The following SPOCK3 variants were observed in gnomAD, a reference collection of about 807,000 sequenced individuals.
The protein encoded by SPOCK3 is SPARC (osteonectin), cwcv and kazal like domains proteoglycan 3.
SPOCK3 carries 30 observed loss-of-function variants against 56.6 expected under a neutral mutation model. The observed-to-expected ratio is 0.53, with a 90% CI of 0.40 to 0.72. The LOEUF is 0.72. Ranked by LOEUF, SPOCK3 falls within the 30% of genes least tolerant of loss-of-function variation. The pLI, the probability that SPOCK3 is intolerant of heterozygous loss-of-function variation, is 0.00. For synonymous variants in SPOCK3, 196 were observed against 183.3 expected (o/e 1.07, Z -0.56); for missense variants, 527 against 530.0 (o/e 0.99, Z 0.06).
chr4:167,184,922 A>G (rs892642501), intron 2 of SPOCK3, among the ~76,000 whole-genome samples: 4 of 152,174 alleles, frequency 2.6e-5, no homozygotes, highest in Admixed American at 1.3e-4. Flanking sequence ...TGTTGTTAAG[A>G]ACAGAGATGT....
chr4:167,040,864 T>G (rs1753178830), intron 3 of SPOCK3, among the ~76,000 whole-genome samples: 2 of 152,284 alleles, frequency 1.3e-5, no homozygotes, highest in African/African-American at 2.4e-5. Flanking sequence ...TTTCTCATTT[T>G]AAAAATCAGA....
intron 3 of SPOCK3, among the ~76,000 whole-genome samples, chr4:167,061,785 A>G (rs2150245803): frequency 6.6e-6 from 1 of 152,090 alleles, no homozygotes. Context: ...TCTACTTTGC[A>G]GAGACTACAG....
intron 4 of SPOCK3, among the ~76,000 whole-genome samples, chr4:166,958,416 C>G (rs1221490505): frequency 6.6e-6 from 1 of 152,114 alleles, no homozygotes; most frequent in Non-Finnish European, 1.5e-5. Context: ...TTCTTTGTAG[C>G]AACGTGAGAA....
intron 6 of SPOCK3, among the ~76,000 whole-genome samples, chr4:166,803,206 T>A (rs1742803219): frequency 6.6e-6 from 1 of 152,166 alleles, no homozygotes; most frequent in Admixed American, 6.5e-5. Flanking sequence ...TTGCTATAAA[T>A]CACGCAGTTT....
At chr4:166,826,043 T>A (rs1055936640) in intron 6 of SPOCK3, among the ~76,000 whole-genome samples, 2 of 152,030 alleles carry the variant, frequency 1.3e-5, no homozygotes, top group African/African-American at 2.4e-5. Flanking sequence ...ACTATTAAAT[T>A]TTTTAAGAAA....
intron 2 of SPOCK3, among the ~76,000 whole-genome samples, chr4:167,222,627 CATAG>C (rs957663553): frequency 3.0e-5 from 4 of 134,748 alleles, no homozygotes; most frequent in Middle Eastern, 4.7e-3. Context: ...TATATATAAA[CATAG>C]ATATATATTA....
intron 9 of SPOCK3, 49 bp from the exon 10 acceptor site, chr4:166,737,653 A>C: frequency 6.4e-7 from 1 of 1,563,296 alleles, no homozygotes; most frequent in Non-Finnish European, 8.7e-7. Flanking sequence ...TAGTTTATGA[A>C]TAAGCTGTGC....
intron 6 of SPOCK3, among the ~76,000 whole-genome samples, chr4:166,797,233 CTTTTTTTTTTT>C (rs1028695610): frequency 3.7e-5 from 3 of 80,752 alleles, no homozygotes; most frequent in South Asian, 4.3e-4. Context: ...TTCCACCTTT[CTTTTTTTTTTT>C]TTTTTTTTTT....
intron 6 of SPOCK3, among the ~76,000 whole-genome samples, chr4:166,798,247 T>C (rs1283987444): frequency 2.6e-5 from 4 of 152,222 alleles, no homozygotes; most frequent in Admixed American, 2.6e-4. Flanking sequence ...TAAGACAGTA[T>C]GCTGTGTTAA....
chr4:166,753,738 C>A (rs1480707066), intron 8 of SPOCK3, among the ~76,000 whole-genome samples: 1 of 151,988 alleles, frequency 6.6e-6, no homozygotes, highest in Non-Finnish European at 1.5e-5. Context: ...GGGTATTTTC[C>A]TAAATTAACA....
chr4:166,966,832 T>C (rs760421702), intron 4 of SPOCK3, among the ~76,000 whole-genome samples: 2 of 152,178 alleles, frequency 1.3e-5, no homozygotes, highest in African/African-American at 2.4e-5. Flanking sequence ...AAGGAGTTTA[T>C]AGATCACACT....
chr4:167,180,247 A>G (rs1731333199), intron 2 of SPOCK3, among the ~76,000 whole-genome samples: 1 of 152,198 alleles, frequency 6.6e-6, no homozygotes, highest in African/African-American at 2.4e-5. Flanking sequence ...TGCTTCTGAC[A>G]TAGACATCAG....
chr4:167,127,881 C>G (rs979313113), intron 2 of SPOCK3, among the ~76,000 whole-genome samples: 1 of 152,142 alleles, frequency 6.6e-6, no homozygotes. Context: ...AGAGGTATAA[C>G]GAAATTATCA....
intron 2 of SPOCK3, among the ~76,000 whole-genome samples, chr4:167,140,481 T>C (rs1049040118): frequency 8.6e-5 from 13 of 152,020 alleles, no homozygotes; most frequent in Non-Finnish European, 1.6e-4. Flanking sequence ...TGTATAGTTA[T>C]ACTAGGTGAC....
intron 3 of SPOCK3, among the ~76,000 whole-genome samples, chr4:167,044,494 A>G (rs1344410053): frequency 6.6e-6 from 1 of 151,922 alleles, no homozygotes; most frequent in Non-Finnish European, 1.5e-5. Flanking sequence ...CAAGTTTACT[A>G]AGAGCCTGTA....
intron 5 of SPOCK3, among the ~76,000 whole-genome samples, chr4:166,912,151 A>G (rs762590762): frequency 2.0e-5 from 3 of 152,170 alleles, no homozygotes; most frequent in Non-Finnish European, 4.4e-5. Context: ...CCTAGCTTCA[A>G]TGTCAACTAA....
intron 4 of SPOCK3, among the ~76,000 whole-genome samples, chr4:166,996,470 A>G (rs1442842568): frequency 1.3e-5 from 2 of 152,176 alleles, no homozygotes; most frequent in African/African-American, 4.8e-5. Context: ...TCTTTCCCCA[A>G]GGGTAACAAT....
chr4:166,959,488 C>T (rs1265911424), intron 4 of SPOCK3, among the ~76,000 whole-genome samples: 1 of 151,978 alleles, frequency 6.6e-6, no homozygotes, highest in African/African-American at 2.4e-5. Context: ...TGGCACACAC[C>T]TGTATTCTCA....
At chr4:167,223,054 A>ATTTTATATATGAATATATG (rs1736178601) in intron 2 of SPOCK3, among the ~76,000 whole-genome samples, 3 of 114,098 alleles carry the variant, frequency 2.6e-5, no homozygotes, top group Non-Finnish European at 5.1e-5. Flanking sequence ...ATGAATATAT[A>ATTTTATATATGAATATATG]TTTTATATAT....
Sources: allele counts gnomAD v4.1 joint callset (sites outside exome capture counted in the v4.1 genomes callset), GRCh38; gene constraint gnomAD v4.1.1; transcripts MANE v1.5; gene names NCBI Gene and HGNC (gene_info 2026-07-23, HGNC 2026-07-21).